RGS11: variants seen among roughly 807,000 people sequenced by gnomAD.
RGS11 encodes the protein regulator of G protein signaling 11.
In RGS11, 86 loss-of-function variants were observed where a neutral mutation model predicts 71.1. The ratio of observed to expected loss-of-function variants is 1.21; its 90% CI spans 1.02 to 1.45. RGS11 has a LOEUF of 1.45. RGS11 is among the 40% of genes most tolerant of loss of function. RGS11 has a pLI of 0.00. For synonymous variants in RGS11, 298 were observed against 254.2 expected (o/e 1.17, Z -1.64); for missense variants, 734 against 635.1 (o/e 1.16, Z -1.67).
chr16:273,442 A>G (rs2141418870), intron 8 of RGS11, 33 bp downstream of exon 8: 1 of 1,514,206 alleles, frequency 6.6e-7, no homozygotes, highest in Non-Finnish European at 8.9e-7. Flanking sequence ...TGCGCTGGCC[A>G]GCGACCCCCA....
In RGS11 at chr16:269,525, T is replaced by A; in HGVS notation, c.1267A>T (p.Ile423Phe). 1 of 1,613,218 alleles carries A rather than the reference T, an allele frequency of 6.2e-7. No homozygotes were observed. Among genetic ancestry groups the A allele is most frequent in the Non-Finnish European group, 8.5e-7 (1 of 1,179,922 alleles). The change falls in exon 16 of 17, where the codon ATC (isoleucine) becomes TTC (phenylalanine). Residue 423 changes from isoleucine to phenylalanine, a missense_variant. Transcript: ENST00000397770. Reference protein sequence around the residue: ...MYKALLAEAGIPLEMKRRVFP... With the variant: ...MYKALLAEAGFPLEMKRRVFP... ...CACCGTCTCTTCATCTCCAGCGGGA[T>A]CCCAGCCTCTGCCAGGAGGGCCTTG...
chr16:272,279 C>T (rs1172069390), intron 9 of RGS11: 51 of 1,248,354 alleles, frequency 4.1e-5, no homozygotes, highest in African/African-American at 7.7e-5. Context: ...AGGAGGCGGA[C>T]GCGCTGCGAG....
In RGS11 at chr16:272,431, T is replaced by C. The variant is rs1214540160; in HGVS notation, c.657+432A>G. ...GGATGGGACTGGTTTGAACAAAGGG[T>C]TTTGCTGCTGCGGGGCTCAGATGCT... is the stretch of plus-strand genomic sequence containing the variant. On this transcript the variant is annotated intron_variant, in intron 9 of 16. Coordinates refer to ENST00000397770, the MANE Select transcript of RGS11 (RefSeq NM_183337.3). 4.6e-6 allele frequency: 6 copies of C among 1,303,760 alleles called. No individual in the cohort carries two copies. In the Middle Eastern group the frequency reaches 6.3e-4, roughly 137 times the overall value. 80.8% of individuals were successfully genotyped at this position (1,303,760 alleles called of 1,614,324 possible).
intron 1 of RGS11, 160 bp downstream of exon 1, chr16:275,689 C>A (rs2052148120): frequency 8.3e-6 from 3 of 360,750 alleles, no homozygotes; most frequent in Non-Finnish European, 1.2e-5. Context: ...ACCCCGGAGA[C>A]CCCCAAGGGC....
chr16:274,190 G>A (rs888386816), intron 5 of RGS11, 24 bp downstream of exon 5: 1 of 1,603,846 alleles, frequency 6.2e-7, no homozygotes, highest in African/African-American at 1.3e-5. Context: ...GAACTTGTCT[G>A]GGGCCAGCCG....
chr16:273,262 G>A (rs1012309184), intron 8 of RGS11, among the ~76,000 whole-genome samples: 29 of 152,212 alleles, frequency 1.9e-4, no homozygotes, highest in African/African-American at 7.0e-4. Flanking sequence ...CCAGAGAGAA[G>A]CTGGCTTGTC....
Position 271,428 on chromosome 16 carries a change from G to C in RGS11, c.720C>G (p.Thr240=), listed in dbSNP as rs776916208. Residue 240 remains threonine, a synonymous_variant, in exon 11 of 17, where the codon ACC becomes ACG. Coordinates refer to ENST00000397770, the MANE Select transcript of RGS11 (RefSeq NM_183337.3). ...CAAGGCAGACGGAGGACTTCACTCG[G>C]GTCCTGCCCAGCGCTTTCCTGAAGT... ...IEYFRKALGR[T]RVKSSVCLEA... is the part of the protein sequence containing the mutation. 3 of 1,613,790 alleles carry C rather than the reference G, an allele frequency of 1.9e-6. No homozygotes were observed. In the Admixed American group the frequency reaches 5.0e-5, roughly 27 times the overall value.
chr16:272,417 G>A (rs559388906), intron 9 of RGS11: 357 of 1,298,720 alleles, frequency 2.7e-4, no homozygotes, highest in Middle Eastern at 1.1e-3. Flanking sequence ...GATGGGACTG[G>A]TTTGAACAAA....
rs752844445 is a variant in RGS11 at position 274,807 on chromosome 16, G to A, written c.318+169C>T. The A allele has an allele frequency of 2.3e-5, 21 of 907,358 alleles. No homozygotes were observed. The Admixed American group carries it at 2.4e-4, about 10-fold the overall frequency. 56.2% of individuals were successfully genotyped at this position (907,358 alleles called of 1,614,324 possible). ...TCCTTCTCACCACATCCGTACTTGC[G>A]GTCCAGGACTTTTGGGGAGGGGGCG... On this transcript the variant is annotated intron_variant, in intron 4 of 16. Coordinates refer to ENST00000397770, the MANE Select transcript of RGS11 (RefSeq NM_183337.3).
At chr16:271,826 A>C in intron 9 of RGS11, 1 of 555,404 alleles carries the variant, frequency 1.8e-6, no homozygotes, top group Non-Finnish European at 3.2e-6. Flanking sequence ...CAACTGTAAT[A>C]TGTCATTTTT....
rs575869010 is a variant in RGS11 at position 274,035 on chromosome 16, G to GT, written c.429+7_429+8insA. ...CCCAGCCGGGGCGGGAAGGGTGGGG[G>GT]GTCCCACCTTCTCATAATCCACCAG... On this transcript the variant is annotated splice_region_variant and intron_variant, in intron 6 of 16. Transcript: ENST00000397770. 28 of 1,548,400 alleles carry GT rather than the reference G, an allele frequency of 1.8e-5. No homozygotes were observed. In the South Asian group the frequency reaches 2.8e-4, roughly 16 times the overall value.
intron 7 of RGS11, 65 bp downstream of exon 7, chr16:273,695 G>T (rs2052036500): frequency 1.3e-6 from 2 of 1,565,220 alleles, no homozygotes; most frequent in South Asian, 1.1e-5. Flanking sequence ...CCTGGCCTGG[G>T]CTGGGCTTCC....
In RGS11 at chr16:275,839, C is replaced by T. The variant is rs2052157822; in HGVS notation, c.63+10G>A. The T allele has an allele frequency of 9.4e-7, 1 of 1,067,880 alleles. No individual in the cohort carries two copies. The highest frequency in any genetic ancestry group is 1.7e-5 in the African/African-American group (1 of 58,672). 66.2% of individuals were successfully genotyped at this position (1,067,880 alleles called of 1,614,324 possible). ...ATCGGGGGACGGCGGGACACCCACC[C>T]GCCTCGCACCTTCCTCAGATGCGGC... On this transcript the variant is annotated intron_variant, in intron 1 of 16. Transcript: ENST00000397770.
rs182059870 is a variant in RGS11, at chr16:268,696, G to A, written c.*573C>T. On this transcript the variant is annotated 3_prime_UTR_variant, in exon 17 of 17. Coordinates refer to ENST00000397770, the MANE Select transcript of RGS11 (RefSeq NM_183337.3). Reference sequence around the variant, plus strand: ...GGACAAATTCTGGAACGCGTTTGGCGAGGGAGGAATAGGCGCAGCTCCGGA... The same window carrying A: ...GGACAAATTCTGGAACGCGTTTGGCAAGGGAGGAATAGGCGCAGCTCCGGA... 31 of 1,446,464 alleles carry A rather than the reference G, an allele frequency of 2.1e-5. No individual in the cohort carries two copies. Among genetic ancestry groups the A allele is most frequent in the East Asian group, 2.0e-4 (8 of 40,040 alleles). 89.6% of individuals were successfully genotyped at this position (1,446,464 alleles called of 1,614,324 possible). A position where few individuals can be genotyped will look rare whatever the true frequency, so the allele number is the denominator to read the frequency against.
chr16:271,708 C>A lies in RGS11; in HGVS notation c.658-139G>T. ...ATGGTGGCCCAGGCCCCCAGTCCCG[C>A]CCCTTGGAGCCCCTTCTTCCAATCA... On this transcript the variant is annotated intron_variant, in intron 9 of 16. Coordinates refer to ENST00000397770, the MANE Select transcript of RGS11 (RefSeq NM_183337.3). The A allele has an allele frequency of 8.2e-6, 6 of 729,506 alleles. No individual in the cohort carries two copies. The Admixed American group carries it at 1.4e-4, about 17-fold the overall frequency. 45.2% of individuals were successfully genotyped at this position (729,506 alleles called of 1,614,324 possible). A position where few individuals can be genotyped will look rare whatever the true frequency, so the allele number is the denominator to read the frequency against.
At chr16:270,454 T>G (rs1431489836) in intron 15 of RGS11, 69 bp downstream of exon 15, 1 of 1,499,998 alleles carries the variant, frequency 6.7e-7, no homozygotes, top group African/African-American at 1.4e-5. Flanking sequence ...ACAGAGCCCT[T>G]GAGGGTGGGG....
intron 10 of RGS11, 37 bp from the exon 11 acceptor site, chr16:271,497 G>C (rs2141410600): frequency 1.2e-6 from 2 of 1,613,998 alleles, no homozygotes; most frequent in South Asian, 2.2e-5. Context: ...TCCCGGGCTG[G>C]GGAAGGCACC....
Position 268,505 on chromosome 16 carries a change from G to A in RGS11, c.*764C>T. ...GAGGCACTTGGGGGATGGGGAGCAA[G>A]GCCAGCTCACGAAGGAAGACTTGGG... is the stretch of plus-strand genomic sequence containing the variant. On this transcript the variant is annotated 3_prime_UTR_variant, in exon 17 of 17. Coordinates refer to ENST00000397770, the MANE Select transcript of RGS11 (RefSeq NM_183337.3). 1 of 540,296 alleles carries A rather than the reference G, an allele frequency of 1.9e-6. No homozygotes were observed. Among genetic ancestry groups the A allele is most frequent in the African/African-American group, 1.9e-5 (1 of 52,756 alleles). 33.5% of individuals were successfully genotyped at this position (540,296 alleles called of 1,614,324 possible). A position where few individuals can be genotyped will look rare whatever the true frequency, so the allele number is the denominator to read the frequency against.
At position 271,257 on chromosome 16, in the gene RGS11, G is replaced by A; in HGVS notation, c.808C>T (p.Pro270Ser). ...TTGTCTGAGATCCAGGGATTGCTGG[G>A]CAGGCACCCCGACACGAGGGGATCG... is the stretch of plus-strand genomic sequence containing the variant. ...PHDPLVSGCLPSNPWISDNDA... is the reference protein window; with the variant it reads ...PHDPLVSGCLSSNPWISDNDA... Residue 270 changes from proline (P) to serine (S), a missense_variant, in exon 12 of 17, where the codon CCC becomes TCC. By Grantham distance (74) the Pro-to-Ser change is moderately conservative. Transcript: ENST00000397770. 1 of 1,612,966 alleles carries A rather than the reference G, an allele frequency of 6.2e-7. No homozygotes were observed. The highest frequency in any genetic ancestry group is 8.5e-7 in the Non-Finnish European group (1 of 1,179,988).
Sources: allele counts gnomAD v4.1 joint callset (sites outside exome capture counted in the v4.1 genomes callset), GRCh38; gene constraint gnomAD v4.1.1; transcripts MANE v1.5; gene names NCBI Gene and HGNC (gene_info 2026-07-23, HGNC 2026-07-21).